NTM: variants seen among roughly 807,000 people sequenced by gnomAD.
NTM encodes the protein IgLON family member 2.
A neutral mutation model predicts 42.1 loss-of-function variants in NTM; 13 were observed. That is an observed-to-expected ratio of 0.31 (90% confidence interval 0.20 to 0.49). The LOEUF (loss-of-function observed/expected upper bound fraction) is 0.49. NTM is among the 20% of genes least tolerant of loss of function. The probability of loss-of-function intolerance (pLI) is 0.99; values close to 1 mark genes in which losing one functional copy is unlikely to be tolerated. For missense variants in NTM, 373 were observed against 452.8 expected (o/e 0.82, Z 1.60); for synonymous variants, 187 against 179.2 (o/e 1.04, Z -0.35).
At chr11:132,089,963 T>G (rs1337347312) in intron 2 of NTM, among the ~76,000 whole-genome samples, 1 of 152,212 alleles carries the variant, frequency 6.6e-6, no homozygotes, top group Non-Finnish European at 1.5e-5. Flanking sequence ...TTTAAATACT[T>G]CTTGTATTTA....
At chr11:131,660,471 C>T (rs1239855993) in intron 1 of NTM, 2 of 457,162 alleles carry the variant, frequency 4.4e-6, no homozygotes, top group Non-Finnish European at 8.8e-6. Flanking sequence ...AATCACCCTG[C>T]AGGGAGCTGA....
At chr11:132,076,196 G>A (rs2058343326) in intron 2 of NTM, among the ~76,000 whole-genome samples, 1 of 152,012 alleles carries the variant, frequency 6.6e-6, no homozygotes. Flanking sequence ...TGTGAACCAG[G>A]GGTCAGCAAA....
At chr11:131,534,352 G>GACACACATGCACACATGCATGC (rs1467270676) in intron 1 of NTM, 7 of 152,068 alleles carry the variant, frequency 4.6e-5, no homozygotes, top group South Asian at 4.2e-4. Flanking sequence ...CATCAGACCA[G>GACACACATGCACACATGCATGC]ACACACATGC....
At chr11:131,648,434 A>G (rs2066043152) in intron 1 of NTM, among the ~76,000 whole-genome samples, 2 of 152,104 alleles carry the variant, frequency 1.3e-5, no homozygotes, top group South Asian at 4.1e-4. Context: ...ACTGTTTTTC[A>G]CAATGTTTGA....
intron 2 of NTM, among the ~76,000 whole-genome samples, chr11:132,089,652 G>C (rs923439100): frequency 9.9e-5 from 15 of 152,118 alleles, no homozygotes; most frequent in Admixed American, 6.5e-4. Context: ...CTTAAATTCA[G>C]TTATTCATTT....
At chr11:131,698,716 C>T (rs888384967) in intron 1 of NTM, among the ~76,000 whole-genome samples, 14 of 152,222 alleles carry the variant, frequency 9.2e-5, no homozygotes, top group African/African-American at 3.4e-4. Context: ...TCAGAACCAG[C>T]GCCCTCCGTC....
intron 1 of NTM, among the ~76,000 whole-genome samples, chr11:131,494,719 C>T (rs112774244): frequency 0.01 from 1,597 of 152,300 alleles, 18 homozygotes; most frequent in African/African-American, 0.035. Context: ...ACCAACTGAC[C>T]TCCTTCCAAA....
chr11:131,497,145 C>T (rs318970), intron 1 of NTM, among the ~76,000 whole-genome samples: 103,480 of 152,104 alleles, frequency 0.68, 35,501 homozygotes, highest in East Asian at 0.82. Flanking sequence ...CCTGTCTATC[C>T]GTGCCCCTAG....
intron 1 of NTM, among the ~76,000 whole-genome samples, chr11:131,812,062 T>A (rs2136317150): frequency 6.6e-6 from 1 of 152,296 alleles, no homozygotes; most frequent in African/African-American, 2.4e-5. Flanking sequence ...AACCACCCAG[T>A]GCGTGTAGAG....
At chr11:131,466,259 C>T (rs1428242441) in intron 1 of NTM, among the ~76,000 whole-genome samples, 5 of 152,098 alleles carry the variant, frequency 3.3e-5, no homozygotes, top group Admixed American at 6.5e-5. Context: ...GAGAGATGAG[C>T]GGAGGAATTC....
chr11:131,372,246 G>T (rs1303031630), intron 1 of NTM, among the ~76,000 whole-genome samples: 1 of 152,154 alleles, frequency 6.6e-6, no homozygotes, highest in Non-Finnish European at 1.5e-5. Context: ...GGAGGGATCT[G>T]TGTCGGGTGA....
intron 2 of NTM, among the ~76,000 whole-genome samples, chr11:131,980,669 C>T (rs2065087954): frequency 6.6e-6 from 1 of 152,186 alleles, no homozygotes; most frequent in South Asian, 2.1e-4. Context: ...TTATTGAGCA[C>T]ATACAGTGTG....
intron 1 of NTM, among the ~76,000 whole-genome samples, chr11:131,456,464 T>C (rs1950902095): frequency 6.6e-6 from 1 of 152,140 alleles, no homozygotes; most frequent in Non-Finnish European, 1.5e-5. Context: ...TCCTTCGTTC[T>C]CATCAAGCCA....
At chr11:131,741,962 G>A (rs1031642341) in intron 1 of NTM, among the ~76,000 whole-genome samples, 2 of 152,150 alleles carry the variant, frequency 1.3e-5, no homozygotes, top group African/African-American at 4.8e-5. Flanking sequence ...TCCTTAGCAA[G>A]CTAACACAGG....
intron 4 of NTM, among the ~76,000 whole-genome samples, chr11:132,230,229 A>G (rs1202834477): frequency 6.6e-6 from 1 of 152,254 alleles, no homozygotes; most frequent in African/African-American, 2.4e-5. Flanking sequence ...AAAGCTAATA[A>G]AGACGATTAT....
At chr11:131,541,474 C>A (rs1219326445) in intron 1 of NTM, among the ~76,000 whole-genome samples, 1 of 152,206 alleles carries the variant, frequency 6.6e-6, no homozygotes, top group African/African-American at 2.4e-5. Context: ...GCCACACAGG[C>A]CAGACTTAAA....
In NTM at chr11:131,514,350, C is replaced by T. The variant is rs142908449; in HGVS notation, c.82+143462C>T. 6.6e-4 allele frequency among the ~76,000 whole-genome samples: 100 copies of T among 152,186 alleles called. 2 individuals are homozygous for T. The highest frequency in any genetic ancestry group is 2.1e-3 in the African/African-American group (89 of 41,534). On this transcript the variant is annotated intron_variant, in intron 1 of 8. Coordinates refer to ENST00000683400, the MANE Select transcript of NTM (RefSeq NM_001352005.2). ...GGAACATTCAGCTGAGTGCCCAGCA[C>T]GTAATGGCCGTCAAGTGACATTAGG...
intron 1 of NTM, among the ~76,000 whole-genome samples, chr11:131,514,114 A>T (rs2048597310): frequency 6.6e-6 from 1 of 152,200 alleles, no homozygotes; most frequent in East Asian, 1.9e-4. Flanking sequence ...AAGCATAAGA[A>T]AATTGCCTCT....
intron 1 of NTM, chr11:131,771,436 C>A (rs2086084567): frequency 6.6e-6 from 1 of 152,206 alleles, no homozygotes; most frequent in Non-Finnish European, 1.5e-5. Context: ...TTCAGGTACA[C>A]CATTCAGGAT....
Sources: allele counts gnomAD v4.1 joint callset (sites outside exome capture counted in the v4.1 genomes callset), GRCh38; gene constraint gnomAD v4.1.1; transcripts MANE v1.5; gene names NCBI Gene and HGNC (gene_info 2026-07-23, HGNC 2026-07-21).